TCTN1: variants seen among roughly 807,000 people sequenced by gnomAD.
TCTN1 encodes tectonic-1.
A neutral mutation model predicts 65.8 loss-of-function variants in TCTN1; 58 were observed. The observed-to-expected ratio is 0.88, with a 90% CI of 0.71 to 1.10. The LOEUF (loss-of-function observed/expected upper bound fraction) is 1.10, where lower values mean the gene tolerates loss of function less well. Among genes scored for constraint, TCTN1 ranks in the 50% least tolerant of loss-of-function variants. The probability of loss-of-function intolerance (pLI) is 0.00; values close to 1 mark genes in which losing one functional copy is unlikely to be tolerated. For synonymous variants in TCTN1, 273 were observed against 289.1 expected, an observed-to-expected ratio of 0.94 and a Z score of 0.57; for missense variants, 645 against 719.4, an observed-to-expected ratio of 0.90 and a Z score of 1.18.
intron 14 of TCTN1, among the ~76,000 whole-genome samples, chr12:110,648,256 C>T (rs560447408): frequency 3.3e-5 from 5 of 152,192 alleles, no homozygotes; most frequent in Non-Finnish European, 7.3e-5. Flanking sequence ...CAGGTGTGAG[C>T]CACCATGCCT....
intron 1 of TCTN1, 145 bp downstream of exon 1, chr12:110,614,547 T>C (rs1451312301): frequency 6.8e-7 from 1 of 1,477,534 alleles, no homozygotes; most frequent in African/African-American, 1.4e-5. Context: ...ACGTCCATTC[T>C]CTAAACAATA....
intron 1 of TCTN1, among the ~76,000 whole-genome samples, chr12:110,617,874 C>T (rs916390103): frequency 5.3e-5 from 8 of 151,654 alleles, no homozygotes; most frequent in Admixed American, 6.6e-5. Context: ...CTCCTGACCT[C>T]GTGATCCACC....
chr12:110,614,230 C>T lies in TCTN1; in HGVS notation c.48C>T (p.Cys16=), dbSNP rs750821745. ...CGCTCCTGGTGGTGCTCCTGGGCTGCTGGGCCTCCGTGAGCGCCCAGACCG... is the reference window on the plus strand; with the variant it reads ...CGCTCCTGGTGGTGCTCCTGGGCTGTTGGGCCTCCGTGAGCGCCCAGACCG... ...LPPLLVVLLG[C]WASVSAQTDA... Residue 16 remains cysteine (C), a synonymous_variant, in exon 1 of 15, where the codon TGC becomes TGT. Transcript: ENST00000397659. 6.3e-7 allele frequency: 1 copy of T among 1,589,128 alleles called. No individual in the cohort carries two copies. The highest frequency in any genetic ancestry group is 8.6e-7 in the Non-Finnish European group (1 of 1,168,626).
intron 5 of TCTN1, 43 bp downstream of exon 5, chr12:110,632,602 A>G (rs768857454): frequency 1.9e-6 from 3 of 1,602,218 alleles, no homozygotes; most frequent in Non-Finnish European, 2.6e-6. Flanking sequence ...ATTTGCTGTT[A>G]TTATTAGGTT....
At chr12:110,634,551 T>C in intron 5 of TCTN1, 119 bp from the exon 6 acceptor site, 2 of 777,578 alleles carry the variant, frequency 2.6e-6, no homozygotes, top group Non-Finnish European at 2.1e-6. Flanking sequence ...ATTGTATATC[T>C]GTGTTGTAAC....
chr12:110,644,760 T>C lies in TCTN1; in HGVS notation c.1332-207T>C. The C allele has an allele frequency of 1.6e-6, 1 of 639,844 alleles. No homozygotes were observed. Among genetic ancestry groups the C allele is most frequent in the Non-Finnish European group, 2.7e-6 (1 of 364,698 alleles). The allele number at this position is 639,844 out of a possible 1,614,324, so 39.6% of individuals were successfully genotyped here. Reference sequence around the variant, plus strand: ...TGGGTGTGGTGGCTCACTCCTGTAGTCCCAGCACTCTGGGAGGATTGCATG... The same window carrying C: ...TGGGTGTGGTGGCTCACTCCTGTAGCCCCAGCACTCTGGGAGGATTGCATG... On this transcript the variant is annotated intron_variant, in intron 11 of 14. Coordinates refer to ENST00000397659, the MANE Select transcript of TCTN1 (RefSeq NM_001082538.3). This position sits in a 1 kb window ranked among gnomAD's most constrained non-coding sequence, Gnocchi z 4.6.
At chr12:110,625,027 G>T (rs2065736012) in intron 2 of TCTN1, among the ~76,000 whole-genome samples, 1 of 152,196 alleles carries the variant, frequency 6.6e-6, no homozygotes, top group Non-Finnish European at 1.5e-5. Flanking sequence ...AAACCTTCCA[G>T]ATGACTCCAC....
At chr12:110,627,605 G>C (rs2065944763) in intron 3 of TCTN1, among the ~76,000 whole-genome samples, 1 of 152,046 alleles carries the variant, frequency 6.6e-6, no homozygotes, top group Non-Finnish European at 1.5e-5. Flanking sequence ...AGGAATCTAG[G>C]TTTCTATATA....
intron 4 of TCTN1, among the ~76,000 whole-genome samples, chr12:110,631,875 G>A (rs189562842): frequency 2.0e-4 from 30 of 152,244 alleles, no homozygotes; most frequent in African/African-American, 7.2e-4. Flanking sequence ...CAGAAAAATT[G>A]CAGTGCTTTA....
chr12:110,614,247 C>T lies in TCTN1; in HGVS notation c.65C>T (p.Ala22Val), dbSNP rs754592022. Reference protein sequence around the residue: ...VLLGCWASVSAQTDATPAVTT... With the variant: ...VLLGCWASVSVQTDATPAVTT... Reference sequence around the variant, plus strand: ...CTGGGCTGCTGGGCCTCCGTGAGCGCCCAGACCGATGCCACCCCGGCGGTG... The same window carrying T: ...CTGGGCTGCTGGGCCTCCGTGAGCGTCCAGACCGATGCCACCCCGGCGGTG... The change falls in exon 1 of 15, where the codon GCC becomes GTC. Residue 22 changes from alanine to valine, a missense_variant. Ala to Val is a moderately conservative substitution (Grantham distance 64). Coordinates refer to ENST00000397659, the MANE Select transcript of TCTN1 (RefSeq NM_001082538.3). 4 of 1,593,738 alleles carry T rather than the reference C, an allele frequency of 2.5e-6. No individual in the cohort carries two copies. The East Asian group carries it at 6.8e-5, about 27-fold the overall frequency.
chr12:110,622,670 G>T (rs548108344), intron 2 of TCTN1, among the ~76,000 whole-genome samples: 2 of 152,186 alleles, frequency 1.3e-5, no homozygotes, highest in Admixed American at 1.3e-4. Flanking sequence ...ACTCAGTGTG[G>T]CCAGAAGAGG....
chr12:110,627,457 A>G (rs1324099544), intron 3 of TCTN1, among the ~76,000 whole-genome samples: 1 of 152,170 alleles, frequency 6.6e-6, no homozygotes, highest in Non-Finnish European at 1.5e-5. Flanking sequence ...ATCTTTAGAG[A>G]CCATTTCACA....
chr12:110,628,377 G>A (rs1285632495), intron 3 of TCTN1, among the ~76,000 whole-genome samples: 1 of 145,830 alleles, frequency 6.9e-6, no homozygotes, highest in Admixed American at 7.0e-5. Flanking sequence ...GTCTCACTGT[G>A]TCACCCAGGC....
intron 13 of TCTN1, 38 bp from the exon 14 acceptor site, chr12:110,647,711 A>G: frequency 4.3e-6 from 7 of 1,614,172 alleles, no homozygotes; most frequent in Non-Finnish European, 5.9e-6. Flanking sequence ...CTGGGAGCAC[A>G]CTGGAGGGTG....
intron 4 of TCTN1, among the ~76,000 whole-genome samples, chr12:110,631,729 A>C (rs2066250879): frequency 6.6e-6 from 1 of 152,234 alleles, no homozygotes; most frequent in South Asian, 2.1e-4. Context: ...TTTTGCTGTT[A>C]TCCACAATGA....
In TCTN1 at chr12:110,645,149, G is replaced by A. The variant is rs1024500142; in HGVS notation, c.1494+20G>A. On this transcript the variant is annotated intron_variant, in intron 12 of 14. Coordinates refer to ENST00000397659, the MANE Select transcript of TCTN1 (RefSeq NM_001082538.3). ...AGGAAGGTAAAGGGGAGAAGGTACA[G>A]GTTCCATGCTAGTGGTCTCTGTCTT... 4 of 1,613,142 alleles carry A rather than the reference G, an allele frequency of 2.5e-6. No homozygotes were observed. The African/African-American group carries it at 5.3e-5, about 22-fold the overall frequency.
chr12:110,648,225 C>T (rs1224302390), intron 14 of TCTN1, among the ~76,000 whole-genome samples: 1 of 152,192 alleles, frequency 6.6e-6, no homozygotes, highest in Non-Finnish European at 1.5e-5. Flanking sequence ...CCTGCCTCGG[C>T]CTCTGAAAGT....
At position 110,647,196 on chromosome 12, in the gene TCTN1, C is replaced by T. The variant is rs1161922736; in HGVS notation, c.1495C>T (p.His499Tyr). 6.2e-7 allele frequency: 1 copy of T among 1,614,082 alleles called. No individual in the cohort carries two copies. Among genetic ancestry groups the T allele is most frequent in the Non-Finnish European group, 8.5e-7 (1 of 1,180,026 alleles). ...TTGTAAGATTCTAATGGATTAACAG[C>T]ATTTTGTTTTGCAGGATTCCTGCCA... ...HFITQSFNRKHFVLQDSCQLP... is the reference protein window; with the variant it reads ...HFITQSFNRKYFVLQDSCQLP... Residue 499 changes from histidine to tyrosine, a missense_variant and splice_region_variant, in exon 13 of 15, where the codon CAT becomes TAT. Coordinates refer to ENST00000397659, the MANE Select transcript of TCTN1 (RefSeq NM_001082538.3).
Position 110,649,309 on chromosome 12 carries a change from C to T in TCTN1, c.*268C>T. The T allele has an allele frequency of 2.2e-6, 2 of 927,016 alleles. No individual in the cohort carries two copies. The highest frequency in any genetic ancestry group is 3.5e-6 in the Non-Finnish European group (2 of 576,710). 57.4% of individuals were successfully genotyped at this position (927,016 alleles called of 1,614,324 possible). A position where few individuals can be genotyped will look rare whatever the true frequency, so the allele number is the denominator to read the frequency against. ...GCAGGAGGGAGGCAGAGGTATCAAA[C>T]CAAACCTCTCACCAAGCGGCCCAGG... On this transcript the variant is annotated 3_prime_UTR_variant, in exon 15 of 15. Coordinates refer to ENST00000397659, the MANE Select transcript of TCTN1 (RefSeq NM_001082538.3).
Sources: allele counts gnomAD v4.1 joint callset (sites outside exome capture counted in the v4.1 genomes callset), GRCh38; gene constraint gnomAD v4.1.1; non-coding constraint Gnocchi (gnomAD v3.1); transcripts MANE v1.5; gene names NCBI Gene and HGNC (gene_info 2026-07-23, HGNC 2026-07-21).